ABCC3: variants seen among roughly 807,000 people sequenced by gnomAD.
ABCC3 encodes the protein ATP-binding cassette sub-family C member 3.
ABCC3 carries 121 observed loss-of-function variants against 165.3 expected under a neutral mutation model. That is an observed-to-expected ratio of 0.73 (90% confidence interval 0.63 to 0.85). ABCC3 has a LOEUF of 0.85. Ranked by LOEUF, ABCC3 falls within the 40% of genes least tolerant of loss-of-function variation. The pLI is 0.00. For synonymous variants in ABCC3, 733 were observed against 810.1 expected (o/e 0.90, Z 1.62); for missense variants, 1,869 against 1,964.1 (o/e 0.95, Z 0.92).
Position 50,691,377 on chromosome 17 carries a change from C to G in ABCC3, c.*177C>G, listed in dbSNP as rs1968120317. On this transcript the variant is annotated 3_prime_UTR_variant, in exon 31 of 31. Coordinates refer to ENST00000285238, the MANE Select transcript of ABCC3 (RefSeq NM_003786.4). ...AATGCTTTAGATGAGGAAATGATCC[C>G]CAAGTGGTGAATGACACGCCTAAGG... 3.5e-6 allele frequency: 2 copies of G among 566,912 alleles called. No individual in the cohort carries two copies. Among genetic ancestry groups the G allele is most frequent in the Non-Finnish European group, 6.4e-6 (2 of 311,286 alleles). The allele number at this position is 566,912 out of a possible 1,614,324, so 35.1% of individuals were successfully genotyped here.
At chr17:50,684,363 C>G (rs1465679877) in intron 28 of ABCC3, among the ~76,000 whole-genome samples, 3 of 152,132 alleles carry the variant, frequency 2.0e-5, no homozygotes, top group Non-Finnish European at 4.4e-5. Context: ...CTCCAAGAAC[C>G]CCTTCCCCCG....
At chr17:50,660,485 G>A (rs1368154478) in intron 7 of ABCC3, among the ~76,000 whole-genome samples, 2 of 152,174 alleles carry the variant, frequency 1.3e-5, no homozygotes, top group African/African-American at 4.8e-5. Context: ...TGGCTTTCAT[G>A]GCTTGGAGCC....
chr17:50,677,228 A>T (rs1009390124), intron 23 of ABCC3, among the ~76,000 whole-genome samples: 3 of 152,242 alleles, frequency 2.0e-5, no homozygotes. Context: ...AGTTTGGGAC[A>T]CATTATCCTT....
intron 1 of ABCC3, among the ~76,000 whole-genome samples, chr17:50,640,239 A>G (rs923971398): frequency 6.6e-6 from 1 of 152,194 alleles, no homozygotes; most frequent in African/African-American, 2.4e-5. Context: ...CAAGTGCTCT[A>G]TCCCCAGGGT....
intron 29 of ABCC3, among the ~76,000 whole-genome samples, chr17:50,686,597 C>A (rs533939870): frequency 6.6e-6 from 1 of 152,200 alleles, no homozygotes; most frequent in South Asian, 2.1e-4. Flanking sequence ...TTGATCCATT[C>A]TTCTCACCTG....
At chr17:50,655,081 C>A (rs1597845048) in intron 1 of ABCC3, among the ~76,000 whole-genome samples, 2 of 91,904 alleles carry the variant, frequency 2.2e-5, no homozygotes, top group Non-Finnish European at 4.0e-5. Context: ...GCCTGGGCGA[C>A]AGAGTGAGAC....
chr17:50,679,957 T>C, intron 26 of ABCC3, 58 bp downstream of exon 26: 24 of 1,405,936 alleles, frequency 1.7e-5, no homozygotes, highest in Non-Finnish European at 2.4e-5. Flanking sequence ...GGAAGAAAGC[T>C]TGGTGGCTCT....
intron 6 of ABCC3, 146 bp downstream of exon 6, chr17:50,658,642 A>G (rs1158249105): frequency 5.5e-6 from 5 of 905,014 alleles, no homozygotes; most frequent in South Asian, 1.4e-5. Flanking sequence ...AGATGAGGGT[A>G]GGGAAGTGGT....
intron 1 of ABCC3, among the ~76,000 whole-genome samples, chr17:50,641,704 A>C (rs1188783241): frequency 6.6e-6 from 1 of 152,242 alleles, no homozygotes; most frequent in Non-Finnish European, 1.5e-5. Context: ...AGAGCTAAAG[A>C]ATCTGTCTTC....
At chr17:50,682,283 T>C (rs1259107437) in intron 26 of ABCC3, among the ~76,000 whole-genome samples, 1 of 148,132 alleles carries the variant, frequency 6.8e-6, no homozygotes, top group East Asian at 2.0e-4. Flanking sequence ...GCCAATCCTA[T>C]CTCAAAGCCA....
chr17:50,655,099 C>CA (rs66488957), intron 1 of ABCC3, among the ~76,000 whole-genome samples: 810 of 43,526 alleles, frequency 0.019, 32 homozygotes, highest in African/African-American at 0.068. Context: ...GACTCCATCT[C>CA]AAAAAAAAAA....
chr17:50,691,332 C>CT lies in ABCC3; in HGVS notation c.*134dup, dbSNP rs1420322209. The CT allele has an allele frequency of 1.5e-6, 1 of 676,292 alleles. No homozygotes were observed. The highest frequency in any genetic ancestry group is 2.2e-5 in the Admixed American group (1 of 44,776). 41.9% of individuals were successfully genotyped at this position (676,292 alleles called of 1,614,324 possible). ...TTAAGATTTTGCACCTGTAAAGTGC[C>CT]TTACAGGGTAACTGTGCTGAATGCT... On this transcript the variant is annotated 3_prime_UTR_variant, in exon 31 of 31. Coordinates refer to ENST00000285238, the MANE Select transcript of ABCC3 (RefSeq NM_003786.4).
chr17:50,691,171 G>C lies in ABCC3; in HGVS notation c.4555G>C (p.Gly1519Arg). Reference protein sequence around the residue: ...NLIAARGIFYGMARDAGLA With the variant: ...NLIAARGIFYRMARDAGLA ...CATTGCAGCTAGAGGCATCTTCTACGGGATGGCCAGAGATGCTGGACTTGC... is the reference window on the plus strand; with the variant it reads ...CATTGCAGCTAGAGGCATCTTCTACCGGATGGCCAGAGATGCTGGACTTGC... Residue 1519 changes from glycine (G) to arginine (R), a missense_variant, in exon 31 of 31, where the codon GGG (glycine) becomes CGG (arginine). Physicochemically the swap from Gly to Arg is moderately radical, Grantham distance 125. Transcript: ENST00000285238. 6.2e-7 allele frequency: 1 copy of C among 1,614,072 alleles called. No individual in the cohort carries two copies.
chr17:50,668,605 C>T, intron 14 of ABCC3, 88 bp downstream of exon 14: 1 of 1,105,710 alleles, frequency 9.0e-7, no homozygotes, highest in South Asian at 1.4e-5. Context: ...TCTCTCCTGA[C>T]CCCTTTTCTT....
At chr17:50,635,668 A>G (rs1369887872) in intron 1 of ABCC3, 1 of 691,822 alleles carries the variant, frequency 1.4e-6, no homozygotes. Context: ...AGGCCCAGAG[A>G]GAGGAAGGGA....
chr17:50,683,625 G>T lies in ABCC3; in HGVS notation c.3823G>T (p.Glu1275Ter). ...KTETEAPWVV[E>*]GSRPPEGWPP... ...CTCCTGCCAGGCGCCCTGGGTGGTG[G>T]AAGGCAGCCGCCCTCCCGAAGGTTG... Residue 1275 changes from glutamate (E) to a stop codon, truncating the protein, a stop_gained, in exon 27 of 31, where the codon GAA becomes TAA. Transcript: ENST00000285238. LOFTEE classifies it high-confidence loss of function. 2.5e-6 allele frequency: 4 copies of T among 1,581,134 alleles called. No individual in the cohort carries two copies. Among genetic ancestry groups the T allele is most frequent in the Non-Finnish European group, 3.4e-6 (4 of 1,164,054 alleles).
Position 50,658,101 on chromosome 17 carries a change from T to C in ABCC3, c.506T>C (p.Phe169Ser). Residue 169 changes from phenylalanine (F) to serine (S), a missense_variant, in exon 5 of 31, where the codon TTC (phenylalanine) becomes TCC (serine). Coordinates refer to ENST00000285238, the MANE Select transcript of ABCC3 (RefSeq NM_003786.4). ...ACCCAGGGTGAGATCTCAGACCCCT[T>C]CCGCTTCACCACCTTCTACATCCAC... The part of the protein sequence containing the change: ...AKAEGEISDP[F>S]RFTTFYIHFA... 6.2e-7 allele frequency: 1 copy of C among 1,614,144 alleles called. No individual in the cohort carries two copies. The highest frequency in any genetic ancestry group is 8.5e-7 in the Non-Finnish European group (1 of 1,179,992).
chr17:50,677,157 C>T (rs1967837916), intron 23 of ABCC3, among the ~76,000 whole-genome samples: 1 of 152,222 alleles, frequency 6.6e-6, no homozygotes, highest in African/African-American at 2.4e-5. Context: ...GCTGGGATTA[C>T]AGGTGGGAAC....
intron 17 of ABCC3, among the ~76,000 whole-genome samples, chr17:50,671,702 CT>C (rs386386244): frequency 0.011 from 642 of 56,310 alleles, no homozygotes; most frequent in East Asian, 0.049. Flanking sequence ...TCCTTCCTTC[CT>C]TTTTTTTTTT....
Sources: allele counts gnomAD v4.1 joint callset (sites outside exome capture counted in the v4.1 genomes callset), GRCh38; gene constraint gnomAD v4.1.1; transcripts MANE v1.5; gene names NCBI Gene and HGNC (gene_info 2026-07-23, HGNC 2026-07-21).